Variants in RANBP17 observed in about 807,000 individuals in gnomAD.
The protein encoded by RANBP17 is ran-binding protein 17.
In RANBP17, 158 loss-of-function variants were observed where a neutral mutation model predicts 141.2. The observed-to-expected ratio is 1.12, with a 90% CI of 0.98 to 1.28. The LOEUF (loss-of-function observed/expected upper bound fraction) is 1.28, where lower values mean the gene tolerates loss of function less well. RANBP17 is among the 50% of genes most tolerant of loss of function. The pLI is 0.00. For missense variants in RANBP17, 1,438 were observed against 1,290.7 expected (o/e 1.11, Z -1.75); for synonymous variants, 430 against 450.0 (o/e 0.96, Z 0.56).
intron 1 of RANBP17, among the ~76,000 whole-genome samples, chr5:170,870,210 T>G (rs985746267): frequency 6.6e-6 from 1 of 152,184 alleles, no homozygotes; most frequent in African/African-American, 2.4e-5. Flanking sequence ...TATAAATACA[T>G]ATTTAATTTT....
At chr5:171,049,050 C>T (rs369327107) in intron 14 of RANBP17, among the ~76,000 whole-genome samples, 13 of 152,244 alleles carry the variant, frequency 8.5e-5, no homozygotes, top group East Asian at 3.9e-4. Flanking sequence ...TTCGAGAAAT[C>T]GCCACACTGC....
At chr5:171,045,186 A>T (rs1397769219) in intron 14 of RANBP17, among the ~76,000 whole-genome samples, 1 of 152,104 alleles carries the variant, frequency 6.6e-6, no homozygotes, top group East Asian at 1.9e-4. Flanking sequence ...CTCTTCTCTT[A>T]TGCAAAAGAA....
intron 14 of RANBP17, among the ~76,000 whole-genome samples, chr5:171,165,688 C>T (rs1759646769): frequency 6.6e-6 from 1 of 152,178 alleles, no homozygotes; most frequent in African/African-American, 2.4e-5. Flanking sequence ...GACATTTCCC[C>T]TGCATTCCAG....
intron 16 of RANBP17, among the ~76,000 whole-genome samples, chr5:171,172,905 G>C (rs929824109): frequency 1.3e-5 from 2 of 150,502 alleles, no homozygotes; most frequent in African/African-American, 4.9e-5. Context: ...TATTGCTTTT[G>C]AGTACTTCTC....
chr5:171,161,483 G>T (rs1390728283), intron 14 of RANBP17: 1 of 194,498 alleles, frequency 5.1e-6, no homozygotes, highest in Middle Eastern at 1.7e-3. Flanking sequence ...TGGGTTGCTG[G>T]TTATGATGGT....
intron 14 of RANBP17, among the ~76,000 whole-genome samples, chr5:171,066,707 T>C (rs993030289): frequency 6.6e-6 from 1 of 152,206 alleles, no homozygotes; most frequent in African/African-American, 2.4e-5. Flanking sequence ...TGCTTGATCA[T>C]ATGGTAATTC....
chr5:171,289,140 G>A (rs1002952827), intron 25 of RANBP17, among the ~76,000 whole-genome samples: 6 of 151,994 alleles, frequency 3.9e-5, no homozygotes, highest in African/African-American at 1.5e-4. Flanking sequence ...TCTCTGATGT[G>A]TGCCAGTGCC....
chr5:170,904,235 A>G (rs1770894070), intron 5 of RANBP17: 1 of 266,740 alleles, frequency 3.7e-6, no homozygotes, highest in Non-Finnish European at 7.7e-6. Context: ...AGCAAATAAC[A>G]CATATGTGAA....
At chr5:171,159,214 G>A (rs542050545) in intron 14 of RANBP17, among the ~76,000 whole-genome samples, 1 of 152,274 alleles carries the variant, frequency 6.6e-6, no homozygotes, top group African/African-American at 2.4e-5. Context: ...GCTTTTCGCT[G>A]TATCACATTG....
At position 171,170,159 on chromosome 5, in the gene RANBP17, A is replaced by G. The variant is rs1304905994; in HGVS notation, c.1740A>G (p.Gly580=). ...KVYARMSEVL[G]ITDDNHVLET... is the part of the protein sequence containing the mutation. ...ATGCTCGTATGTCAGAAGTCTTAGGAATAACAGATGACAACCACGTTCTAG... is the reference window on the plus strand; with the variant it reads ...ATGCTCGTATGTCAGAAGTCTTAGGGATAACAGATGACAACCACGTTCTAG... Residue 580 remains glycine, a synonymous_variant, in exon 15 of 28, where the codon GGA becomes GGG. Transcript: ENST00000523189. The G allele has an allele frequency of 1.3e-6, 2 of 1,589,262 alleles. No individual in the cohort carries two copies. Among genetic ancestry groups the G allele is most frequent in the Admixed American group, 3.4e-5 (2 of 58,074 alleles).
Position 171,298,104 on chromosome 5 carries a change from C to T in RANBP17, c.3171-658C>T, listed in dbSNP as rs117101460. 7.5e-3 allele frequency among the ~76,000 whole-genome samples: 1,145 copies of T among 152,158 alleles called. 37 individuals are homozygous for T. In the East Asian group the frequency reaches 0.099, roughly 13 times the overall value. ...AACTCCTGACGTCAGGTGATCCACCCGCCTTGGCCTCACAACGTGCTGGAA... is the reference window on the plus strand; with the variant it reads ...AACTCCTGACGTCAGGTGATCCACCTGCCTTGGCCTCACAACGTGCTGGAA... On this transcript the variant is annotated intron_variant, in intron 27 of 27. Coordinates refer to ENST00000523189, the MANE Select transcript of RANBP17 (RefSeq NM_022897.5).
intron 22 of RANBP17, among the ~76,000 whole-genome samples, chr5:171,236,762 T>A (rs1010093366): frequency 6.6e-6 from 1 of 152,204 alleles, no homozygotes; most frequent in East Asian, 1.9e-4. Flanking sequence ...ATAGGTGTTA[T>A]TATCCTCATT....
At chr5:171,083,402 T>A (rs1306078608) in intron 14 of RANBP17, among the ~76,000 whole-genome samples, 1 of 152,152 alleles carries the variant, frequency 6.6e-6, no homozygotes, top group Admixed American at 6.5e-5. Context: ...CAGACCTGAC[T>A]ATGCTGGCAT....
At chr5:170,887,847 A>G (rs1301700866) in intron 3 of RANBP17, among the ~76,000 whole-genome samples, 1 of 151,808 alleles carries the variant, frequency 6.6e-6, no homozygotes, top group East Asian at 1.9e-4. Flanking sequence ...GGCAAAAGAG[A>G]GTGACAAAAG....
intron 14 of RANBP17, among the ~76,000 whole-genome samples, chr5:171,073,808 T>C (rs1470692240): frequency 6.6e-6 from 1 of 151,726 alleles, no homozygotes; most frequent in Non-Finnish European, 1.5e-5. Context: ...GCCTGGAGTA[T>C]CTTATGGGGT....
At chr5:171,057,781 AG>A (rs1411058230) in intron 14 of RANBP17, among the ~76,000 whole-genome samples, 1 of 152,142 alleles carries the variant, frequency 6.6e-6, no homozygotes, top group Non-Finnish European at 1.5e-5. Flanking sequence ...GAGTGCAAGC[AG>A]GGGTAATGCC....
intron 8 of RANBP17, among the ~76,000 whole-genome samples, chr5:170,915,467 G>T (rs915714244): frequency 6.6e-6 from 1 of 152,084 alleles, no homozygotes; most frequent in African/African-American, 2.4e-5. Context: ...GGTGTTTTTA[G>T]TACGCTAGTG....
At chr5:171,029,937 G>T (rs13167965) in intron 14 of RANBP17, among the ~76,000 whole-genome samples, 83,781 of 151,716 alleles carry the variant, frequency 0.55, 26,166 homozygotes, top group South Asian at 0.81. Flanking sequence ...GCATTTGGTT[G>T]TGAAAAAAAC....
chr5:171,204,657 T>A (rs780276870), intron 19 of RANBP17, among the ~76,000 whole-genome samples: 11 of 152,206 alleles, frequency 7.2e-5, no homozygotes, highest in Non-Finnish European at 1.5e-4. Context: ...GGTTTTCTTT[T>A]TCTCTTCCCA....
Sources: gnomAD v4.1 joint callset for allele counts (sites outside exome capture counted in the v4.1 genomes callset) on GRCh38, gnomAD v4.1.1 for gene constraint, MANE v1.5 for transcripts, NCBI Gene and HGNC (gene_info 2026-07-23, HGNC 2026-07-21) for gene names.